Variants in KIF16B observed in about 807,000 individuals in gnomAD.
KIF16B encodes kinesin family member 16B.
In KIF16B, 98 loss-of-function variants were observed where a neutral mutation model predicts 156.3. That is an observed-to-expected ratio of 0.63 (90% CI 0.53 to 0.74). The LOEUF (loss-of-function observed/expected upper bound fraction) is 0.74, where lower values mean the gene tolerates loss of function less well. KIF16B is among the 30% of genes least tolerant of loss of function. The pLI is 0.00. For missense variants in KIF16B, 1,421 were observed against 1,606.5 expected, an observed-to-expected ratio of 0.88 and a Z score of 1.97; for synonymous variants, 564 against 583.7, an observed-to-expected ratio of 0.97 and a Z score of 0.49.
chr20:16,537,741 G>A (rs1300246458), intron 1 of KIF16B, among the ~76,000 whole-genome samples: 6 of 124,026 alleles, frequency 4.8e-5, no homozygotes, highest in Non-Finnish European at 9.5e-5. Flanking sequence ...GTCTGGCTCC[G>A]TCACTGGGCT....
At chr20:16,280,847 T>C (rs1205465981) in intron 25 of KIF16B, among the ~76,000 whole-genome samples, 1 of 149,688 alleles carries the variant, frequency 6.7e-6, no homozygotes, top group African/African-American at 2.5e-5. Context: ...CGCACGTGTG[T>C]GTGTGTGTGT....
chr20:16,490,408 G>T (rs2068253437), intron 12 of KIF16B, among the ~76,000 whole-genome samples: 1 of 152,084 alleles, frequency 6.6e-6, no homozygotes, highest in Admixed American at 6.5e-5. Flanking sequence ...AGGCATGGTG[G>T]TGGACACCTG....
chr20:16,289,614 T>G (rs1428370210), intron 25 of KIF16B, among the ~76,000 whole-genome samples: 1 of 151,846 alleles, frequency 6.6e-6, no homozygotes, highest in African/African-American at 2.4e-5. Context: ...AGCACTTTGG[T>G]AGGCCGAGGC....
intron 12 of KIF16B, among the ~76,000 whole-genome samples, chr20:16,485,932 A>G (rs1470087246): frequency 1.3e-5 from 2 of 152,140 alleles, no homozygotes; most frequent in East Asian, 1.9e-4. Flanking sequence ...TTCACTTAGC[A>G]TAAGTTATCT....
At chr20:16,319,504 G>A (rs1486543671) in intron 24 of KIF16B, among the ~76,000 whole-genome samples, 2 of 152,204 alleles carry the variant, frequency 1.3e-5, no homozygotes, top group African/African-American at 4.8e-5. Context: ...ATCCAGTGGA[G>A]AAGTGAGATC....
At chr20:16,430,281 C>T (rs923289003) in intron 12 of KIF16B, among the ~76,000 whole-genome samples, 1 of 152,160 alleles carries the variant, frequency 6.6e-6, no homozygotes, top group Admixed American at 6.5e-5. Flanking sequence ...TAAACTTTCT[C>T]ACTCTTCAGA....
chr20:16,399,590 C>T (rs2065597661), intron 17 of KIF16B, among the ~76,000 whole-genome samples: 1 of 152,186 alleles, frequency 6.6e-6, no homozygotes, highest in Non-Finnish European at 1.5e-5. Context: ...GAAATATCAC[C>T]TGTGACAGGC....
intron 11 of KIF16B, among the ~76,000 whole-genome samples, 192 bp from the exon 12 acceptor site, chr20:16,494,542 G>A (rs1213636955): frequency 6.6e-6 from 1 of 152,062 alleles, no homozygotes; most frequent in Non-Finnish European, 1.5e-5. Context: ...CCTACATTAG[G>A]GCAAAGGAAA....
At chr20:16,339,134 T>C (rs2064096196) in intron 23 of KIF16B, among the ~76,000 whole-genome samples, 1 of 152,100 alleles carries the variant, frequency 6.6e-6, no homozygotes, top group Non-Finnish European at 1.5e-5. Context: ...GAGAAAATTG[T>C]TAATTGCGGT....
Position 16,314,517 on chromosome 20 carries a change from T to C in KIF16B, c.3712-2099A>G, listed in dbSNP as rs201567061. Among the ~76,000 whole-genome samples, 11 of 152,274 alleles carry C rather than the reference T, an allele frequency of 7.2e-5. No homozygotes were observed. The East Asian group carries it at 2.1e-3, about 29-fold the overall frequency. The stretch of plus-strand genomic sequence containing the variant: ...GGCTGACATCCAACTTTAAAATCAG[T>C]TCAAGGTAAAGTGAAAGACCATGGG... On this transcript the variant is annotated intron_variant, in intron 24 of 25. Transcript: ENST00000354981.
intron 22 of KIF16B, chr20:16,368,956 T>G: frequency 1.0e-6 from 1 of 985,866 alleles, no homozygotes; most frequent in Non-Finnish European, 1.2e-6. Context: ...GGTGTTACTT[T>G]CGTTAAGAAA....
At chr20:16,513,107 C>T (rs2069012885) in intron 4 of KIF16B, among the ~76,000 whole-genome samples, 184 bp from the exon 5 acceptor site, 1 of 152,154 alleles carries the variant, frequency 6.6e-6, no homozygotes, top group Admixed American at 6.6e-5. Context: ...GATGATTGAG[C>T]CTTCTGATTT....
At chr20:16,469,371 C>T (rs2067592458) in intron 12 of KIF16B, among the ~76,000 whole-genome samples, 1 of 147,530 alleles carries the variant, frequency 6.8e-6, no homozygotes, top group Admixed American at 6.7e-5. Context: ...GATTAAACAA[C>T]ACACTTCTAC....
chr20:16,547,238 T>C (rs960120954), intron 1 of KIF16B, among the ~76,000 whole-genome samples: 4 of 152,196 alleles, frequency 2.6e-5, no homozygotes, highest in South Asian at 2.1e-4. Context: ...CCACTCACGA[T>C]AAATGACAGA....
In KIF16B at chr20:16,379,251, C is replaced by T; in HGVS notation, c.2751G>A (p.Leu917=). The change falls in exon 19 of 26, where the codon TTG becomes TTA. Residue 917 remains leucine (L), a synonymous_variant. Transcript: ENST00000354981. ...RQLQYLLQNH[L]PTLLEEKQRA... is the part of the protein sequence containing the mutation. The stretch of plus-strand genomic sequence containing the variant: ...TCTGCTTTTCTTCCAACAGAGTTGG[C>T]AAGTGATTCTGCAGGAGGTACTGTA... The T allele has an allele frequency of 1.2e-6, 2 of 1,614,078 alleles. No homozygotes were observed. The highest frequency in any genetic ancestry group is 1.7e-6 in the Non-Finnish European group (2 of 1,180,022).
chr20:16,373,290 T>C (rs1040350319), intron 20 of KIF16B, among the ~76,000 whole-genome samples: 1 of 152,230 alleles, frequency 6.6e-6, no homozygotes, highest in African/African-American at 2.4e-5. Flanking sequence ...AATTTGAAAG[T>C]AACCCTGTGA....
At chr20:16,413,675 A>G (rs2066013599) in intron 15 of KIF16B, among the ~76,000 whole-genome samples, 1 of 152,022 alleles carries the variant, frequency 6.6e-6, no homozygotes, top group Non-Finnish European at 1.5e-5. Flanking sequence ...CGAGACTCCT[A>G]GTTCTACATT....
At chr20:16,470,167 T>G (rs1301665728) in intron 12 of KIF16B, among the ~76,000 whole-genome samples, 1 of 152,208 alleles carries the variant, frequency 6.6e-6, no homozygotes, top group East Asian at 1.9e-4. Flanking sequence ...GATCAGTGAT[T>G]GCCAGGAATT....
chr20:16,276,373 G>A (rs4287828), intron 25 of KIF16B, among the ~76,000 whole-genome samples: 12,128 of 152,224 alleles, frequency 0.08, 644 homozygotes, highest in Non-Finnish European at 0.12. Context: ...ACAACTGTCA[G>A]GTAATGTCTT....
Sources: allele counts gnomAD v4.1 joint callset (sites outside exome capture counted in the v4.1 genomes callset), GRCh38; gene constraint gnomAD v4.1.1; transcripts MANE v1.5; gene names NCBI Gene and HGNC (gene_info 2026-07-23, HGNC 2026-07-21).